Variants in CDIN1 observed in about 807,000 individuals in gnomAD.
The protein encoded by CDIN1 is CDAN1-interacting nuclease 1.
CDIN1 carries 33 observed loss-of-function variants against 45.3 expected under a neutral mutation model. The ratio of observed to expected loss-of-function variants is 0.73; its 90% CI spans 0.55 to 0.97. The LOEUF is 0.97. Among genes scored for constraint, CDIN1 ranks in the 50% least tolerant of loss-of-function variants. CDIN1 has a pLI of 0.00. For missense variants in CDIN1, 303 were observed against 339.4 expected (o/e 0.89, Z 0.84); for synonymous variants, 118 against 124.4 (o/e 0.95, Z 0.34).
intron 5 of CDIN1, among the ~76,000 whole-genome samples, chr15:36,676,926 TAAC>T (rs1299097999): frequency 6.6e-6 from 1 of 152,124 alleles, no homozygotes; most frequent in Non-Finnish European, 1.5e-5. Context: ...ATATAACTGT[TAAC>T]AACAACAACA....
intron 10 of CDIN1, among the ~76,000 whole-genome samples, chr15:36,771,347 A>G (rs925995273): frequency 2.0e-5 from 3 of 152,062 alleles, no homozygotes; most frequent in South Asian, 2.1e-4. Context: ...GACTTAAAGT[A>G]TAATAAAAAA....
chr15:36,806,983 G>T (rs1249791245), intron 10 of CDIN1, among the ~76,000 whole-genome samples: 1 of 152,132 alleles, frequency 6.6e-6, no homozygotes, highest in East Asian at 1.9e-4. Flanking sequence ...TGGGCCTGGT[G>T]CTCCAAGGCT....
chr15:36,611,336 T>G (rs1379713974), intron 1 of CDIN1, among the ~76,000 whole-genome samples: 2 of 152,226 alleles, frequency 1.3e-5, no homozygotes, highest in Non-Finnish European at 2.9e-5. Flanking sequence ...CTACATACTC[T>G]TTTGAGAGTC....
At chr15:36,726,887 C>T (rs933080317) in intron 10 of CDIN1, among the ~76,000 whole-genome samples, 1 of 152,004 alleles carries the variant, frequency 6.6e-6, no homozygotes, top group African/African-American at 2.4e-5. Context: ...AATTTCTATA[C>T]ATATCTTTCC....
chr15:36,601,404 T>TA (rs2038096357), intron 1 of CDIN1, among the ~76,000 whole-genome samples: 1 of 152,218 alleles, frequency 6.6e-6, no homozygotes, highest in Admixed American at 6.5e-5. Context: ...GTGTAATACT[T>TA]ACCACCCTTG....
intron 1 of CDIN1, among the ~76,000 whole-genome samples, chr15:36,609,082 C>T (rs995541990): frequency 6.6e-6 from 1 of 152,186 alleles, no homozygotes; most frequent in African/African-American, 2.4e-5. Context: ...ATGATCATGG[C>T]TCACTGCAGC....
intron 1 of CDIN1, among the ~76,000 whole-genome samples, chr15:36,607,967 C>T (rs540987422): frequency 6.6e-6 from 1 of 152,262 alleles, no homozygotes; most frequent in East Asian, 1.9e-4. Context: ...TTATACAATA[C>T]GACTAGCTTT....
At chr15:36,592,464 T>A (rs749077849) in intron 1 of CDIN1, among the ~76,000 whole-genome samples, 7 of 152,232 alleles carry the variant, frequency 4.6e-5, no homozygotes, top group African/African-American at 1.4e-4. Context: ...TTTTGTACCT[T>A]ATGGCTCCAA....
At chr15:36,784,639 ATTT>A (rs2054442263) in intron 10 of CDIN1, among the ~76,000 whole-genome samples, 1 of 152,170 alleles carries the variant, frequency 6.6e-6, no homozygotes, top group Admixed American at 6.6e-5. Flanking sequence ...CTTCACGGAG[ATTT>A]TTTTATTGTT....
intron 5 of CDIN1, among the ~76,000 whole-genome samples, chr15:36,667,177 C>T (rs150062550): frequency 1.3e-4 from 20 of 152,330 alleles, no homozygotes; most frequent in Admixed American, 3.9e-4. Context: ...CAAGTCAATA[C>T]TGTAGGTAAC....
At chr15:36,672,536 G>C (rs914854700) in intron 5 of CDIN1, among the ~76,000 whole-genome samples, 1 of 151,828 alleles carries the variant, frequency 6.6e-6, no homozygotes, top group Non-Finnish European at 1.5e-5. Context: ...TAAGTGCTAT[G>C]GGGGGAAATA....
At chr15:36,705,653 T>G (rs1457582121) in intron 8 of CDIN1, 1 of 152,210 alleles carries the variant, frequency 6.6e-6, no homozygotes, top group African/African-American at 2.4e-5. Flanking sequence ...CTATGTTTTG[T>G]GAATCTGAAG....
chr15:36,674,575 A>C (rs1047186833), intron 5 of CDIN1, among the ~76,000 whole-genome samples: 9 of 152,202 alleles, frequency 5.9e-5, no homozygotes, highest in Admixed American at 5.9e-4. Context: ...AAGCAGCGTC[A>C]AATGTACAGT....
intron 10 of CDIN1, among the ~76,000 whole-genome samples, chr15:36,787,644 G>A (rs2054525496): frequency 6.6e-6 from 1 of 152,068 alleles, no homozygotes; most frequent in African/African-American, 2.4e-5. Flanking sequence ...TGTTCTTATA[G>A]CACTATTGTG....
intron 10 of CDIN1, among the ~76,000 whole-genome samples, chr15:36,754,751 A>T (rs943725199): frequency 1.3e-5 from 2 of 152,166 alleles, no homozygotes; most frequent in Non-Finnish European, 2.9e-5. Context: ...AGAAGCAAGG[A>T]TAAAAAGGCC....
At chr15:36,783,033 C>T (rs2141059338) in intron 10 of CDIN1, among the ~76,000 whole-genome samples, 1 of 152,254 alleles carries the variant, frequency 6.6e-6, no homozygotes, top group African/African-American at 2.4e-5. Flanking sequence ...CTCTTTTATG[C>T]CATTCATTGG....
chr15:36,739,083 T>G (rs1199180879), intron 10 of CDIN1, among the ~76,000 whole-genome samples: 1 of 152,220 alleles, frequency 6.6e-6, no homozygotes, highest in Non-Finnish European at 1.5e-5. Context: ...ATCATCAGTC[T>G]TTGAGTTTTG....
chr15:36,653,918 G>T (rs764133509), intron 3 of CDIN1, among the ~76,000 whole-genome samples, 180 bp from the exon 4 acceptor site: 16 of 152,190 alleles, frequency 1.1e-4, no homozygotes, highest in Admixed American at 8.5e-4. Flanking sequence ...CAGTGGTTTT[G>T]AGGTGAGTTG....
chr15:36,728,086 G>A (rs1215028316), intron 10 of CDIN1, among the ~76,000 whole-genome samples: 1 of 152,184 alleles, frequency 6.6e-6, no homozygotes, highest in East Asian at 1.9e-4. Context: ...AAGCTCCCAA[G>A]TATTCTTATG....
Sources: gnomAD v4.1 joint callset for allele counts (sites outside exome capture counted in the v4.1 genomes callset) on GRCh38, gnomAD v4.1.1 for gene constraint, MANE v1.5 for transcripts, NCBI Gene and HGNC (gene_info 2026-07-23, HGNC 2026-07-21) for gene names.